DPYSL2: variants seen among roughly 807,000 people sequenced by gnomAD.
DPYSL2 encodes dihydropyrimidinase-related protein 2.
A neutral mutation model predicts 69.9 loss-of-function variants in DPYSL2; 13 were observed. The ratio of observed to expected loss-of-function variants is 0.19; its 90% CI spans 0.12 to 0.30. DPYSL2 has a LOEUF of 0.30. Ranked by LOEUF, DPYSL2 falls within the 10% of genes least tolerant of loss-of-function variation. The pLI, the probability that DPYSL2 is intolerant of heterozygous loss-of-function variation, is 1.00. For synonymous variants in DPYSL2, 326 were observed against 359.1 expected (o/e 0.91, Z 1.04); for missense variants, 587 against 918.9 (o/e 0.64, Z 4.67).
In DPYSL2 at chr8:26,591,918, AG is replaced by A. The variant is rs1156298394; in HGVS notation, c.628+7939del. Among the ~76,000 whole-genome samples, 1 of 152,154 alleles carries A rather than the reference AG, an allele frequency of 6.6e-6. No individual in the cohort carries two copies. The highest frequency in any genetic ancestry group is 2.4e-5 in the African/African-American group (1 of 41,440). On this transcript the variant is annotated intron_variant, in intron 3 of 13. Coordinates refer to ENST00000521913, the MANE Select transcript of DPYSL2 (RefSeq NM_001197293.3). This position sits in a 1 kb window ranked among gnomAD's most constrained non-coding sequence, Gnocchi z 5.8. ...TGGTGTAGCCTCCGTGTTGAGTTGT[AG>A]GGGAAAGGGTGTTTAGTAAGCAGGC...
rs888111108 is a variant in DPYSL2 at position 26,595,972 on chromosome 8, A to G, written c.628+11989A>G. On this transcript the variant is annotated intron_variant, in intron 3 of 13. Transcript: ENST00000521913. Reference sequence around the variant, plus strand: ...CAGCTGGGAGTTTGTTTTTTTTTTAATTACTGTTATTTATTTATTTAGTAC... The same window carrying G: ...CAGCTGGGAGTTTGTTTTTTTTTTAGTTACTGTTATTTATTTATTTAGTAC... Among the ~76,000 whole-genome samples, 4 of 151,892 alleles carry G rather than the reference A, an allele frequency of 2.6e-5. No individual in the cohort carries two copies. In the South Asian group the frequency reaches 6.2e-4, roughly 24 times the overall value.
intron 3 of DPYSL2, among the ~76,000 whole-genome samples, chr8:26,612,478 C>T (rs950432081): frequency 6.6e-6 from 1 of 152,202 alleles, no homozygotes; most frequent in African/African-American, 2.4e-5. Flanking sequence ...GGTAGATTCT[C>T]CGCAAGAATG....
intron 1 of DPYSL2, among the ~76,000 whole-genome samples, chr8:26,556,126 T>G (rs200877809): frequency 1.5e-4 from 2 of 13,344 alleles, no homozygotes; most frequent in Non-Finnish European, 2.2e-4. Flanking sequence ...ACTATATATA[T>G]TATATATACT....
chr8:26,634,612 GT>G (rs1802858604), intron 7 of DPYSL2, among the ~76,000 whole-genome samples, 167 bp from the exon 8 acceptor site: 1 of 152,050 alleles, frequency 6.6e-6, no homozygotes, highest in Non-Finnish European at 1.5e-5. Context: ...CCAAACCAAT[GT>G]TGAGAGACAC....
In DPYSL2 at chr8:26,626,907, C is replaced by T. The variant is rs1802631654; in HGVS notation, c.855+229C>T. ...GGATCTGAGGCTCTGCCCCGCACGG[C>T]GTGTGTGGGAGCGGCACTCAGAACC... On this transcript the variant is annotated intron_variant, in intron 5 of 13. Transcript: ENST00000521913. The surrounding 1 kb of genome is among the most constrained non-coding windows in gnomAD (Gnocchi z 4.3). Among the ~76,000 whole-genome samples the T allele has an allele frequency of 6.6e-6, 1 of 152,178 alleles. No homozygotes were observed. Among genetic ancestry groups the T allele is most frequent in the African/African-American group, 2.4e-5 (1 of 41,446 alleles).
intron 1 of DPYSL2, among the ~76,000 whole-genome samples, chr8:26,520,122 C>T (rs1449970741): frequency 3.9e-5 from 6 of 152,086 alleles, no homozygotes; most frequent in East Asian, 1.9e-4. Flanking sequence ...AAGGGTTTTC[C>T]CCTTTTGCTT....
At chr8:26,521,176 T>C (rs964180932) in intron 1 of DPYSL2, among the ~76,000 whole-genome samples, 4 of 152,356 alleles carry the variant, frequency 2.6e-5, no homozygotes, top group Admixed American at 2.6e-4. Context: ...GGTGGTAACC[T>C]AGTACCATAG....
chr8:26,569,083 G>A (rs543292155), intron 1 of DPYSL2, among the ~76,000 whole-genome samples: 9 of 152,244 alleles, frequency 5.9e-5, no homozygotes, highest in Non-Finnish European at 1.2e-4. Flanking sequence ...AAGTCTAGGC[G>A]TGAGGGCCCC....
intron 1 of DPYSL2, among the ~76,000 whole-genome samples, chr8:26,534,673 C>A (rs1203412252): frequency 1.3e-5 from 2 of 151,994 alleles, no homozygotes; most frequent in African/African-American, 2.4e-5. Context: ...CTCATTCTCA[C>A]CCAGGCTGGA....
Position 26,655,716 on chromosome 8 carries a change from G to A in DPYSL2, c.*10G>A. On this transcript the variant is annotated 3_prime_UTR_variant, in exon 14 of 14. Transcript: ENST00000521913. Reference sequence around the variant, plus strand: ...CACCAGCCTGGGCTAGAGCTCCTGGGCTGTGCCGTCCACTGGGGACTGGGG... The same window carrying A: ...CACCAGCCTGGGCTAGAGCTCCTGGACTGTGCCGTCCACTGGGGACTGGGG... The A allele has an allele frequency of 6.3e-7, 1 of 1,596,564 alleles. No individual in the cohort carries two copies. Among genetic ancestry groups the A allele is most frequent in the South Asian group, 1.1e-5 (1 of 90,158 alleles).
In DPYSL2 at chr8:26,656,419, G is replaced by C. The variant is rs112287513; in HGVS notation, c.*713G>C. ...CGTTATTGGCCTAGATTTTGCTGCAGATTAAATCCTTTGAGGATTCTCTTC... is the reference window on the plus strand; with the variant it reads ...CGTTATTGGCCTAGATTTTGCTGCACATTAAATCCTTTGAGGATTCTCTTC... On this transcript the variant is annotated 3_prime_UTR_variant, in exon 14 of 14. Coordinates refer to ENST00000521913, the MANE Select transcript of DPYSL2 (RefSeq NM_001197293.3). 4.6e-5 allele frequency: 7 copies of C among 152,568 alleles called. No individual in the cohort carries two copies. In the East Asian group the frequency reaches 1.2e-3, roughly 25 times the overall value. The allele number at this position is 152,568 out of a possible 1,614,324, so 9.5% of individuals were successfully genotyped here.
rs1801114909 is a variant in DPYSL2, at chr8:26,564,194, C to T, written c.355-17775C>T. On this transcript the variant is annotated intron_variant, in intron 1 of 13. Transcript: ENST00000521913. This position sits in a 1 kb window ranked among gnomAD's most constrained non-coding sequence, Gnocchi z 4.8. ...AGCTTCCAATTAGCATGCTGTTTGCCCAAGCTTTTCTAATGGAGTCAGGCG... is the reference window on the plus strand; with the variant it reads ...AGCTTCCAATTAGCATGCTGTTTGCTCAAGCTTTTCTAATGGAGTCAGGCG... 6.6e-6 allele frequency among the ~76,000 whole-genome samples: 1 copy of T among 152,100 alleles called. No individual in the cohort carries two copies. Among genetic ancestry groups the T allele is most frequent in the African/African-American group, 2.4e-5 (1 of 41,412 alleles).
Position 26,533,754 on chromosome 8 carries a change from A to G in DPYSL2, c.354+19075A>G, listed in dbSNP as rs996397060. On this transcript the variant is annotated intron_variant, in intron 1 of 13. Transcript: ENST00000521913. The surrounding 1 kb of genome is among the most constrained non-coding windows in gnomAD (Gnocchi z 4.8). ...AGCTGTCAAATGTTCTCAGGTGAAG[A>G]GGTTGAGAGGACTCCTGGAGATCCC... 3.3e-5 allele frequency among the ~76,000 whole-genome samples: 5 copies of G among 152,250 alleles called. No homozygotes were observed. Among genetic ancestry groups the G allele is most frequent in the Admixed American group, 6.5e-5 (1 of 15,274 alleles).
intron 1 of DPYSL2, among the ~76,000 whole-genome samples, chr8:26,569,802 G>T (rs11778187): frequency 0.082 from 12,482 of 152,190 alleles, 710 homozygotes; most frequent in Non-Finnish European, 0.12. Context: ...GATGGGAGAA[G>T]AGAGAACAGC....
rs367573911 is a variant in DPYSL2, at chr8:26,648,920, T to C, written c.1596+1120T>C. On this transcript the variant is annotated intron_variant, in intron 11 of 13. Coordinates refer to ENST00000521913, the MANE Select transcript of DPYSL2 (RefSeq NM_001197293.3). This position sits in a 1 kb window ranked among gnomAD's most constrained non-coding sequence, Gnocchi z 4.3. The stretch of plus-strand genomic sequence containing the variant: ...GTGTTTAAAGCTGTCTTTCTCCCTC[T>C]CCCACCACCACTCACTGGCTCAGCC... 1.8e-3 allele frequency among the ~76,000 whole-genome samples: 273 copies of C among 152,306 alleles called. No homozygotes were observed. The highest frequency in any genetic ancestry group is 6.5e-3 in the African/African-American group (269 of 41,554).
chr8:26,589,620 T>A (rs1445777489), intron 3 of DPYSL2, among the ~76,000 whole-genome samples: 2 of 152,232 alleles, frequency 1.3e-5, no homozygotes, highest in Non-Finnish European at 2.9e-5. Flanking sequence ...TGGCTCCCTC[T>A]GCAGCCCCAG....
At chr8:26,579,888 G>A (rs1407968263) in intron 1 of DPYSL2, among the ~76,000 whole-genome samples, 1 of 30,716 alleles carries the variant, frequency 3.3e-5, no homozygotes, top group African/African-American at 7.1e-5. Flanking sequence ...GACAGTGTGG[G>A]GAGAAAAAAA....
intron 1 of DPYSL2, among the ~76,000 whole-genome samples, chr8:26,566,528 CGGTG>C (rs1801151178): frequency 6.6e-6 from 1 of 152,014 alleles, no homozygotes; most frequent in South Asian, 2.1e-4. Context: ...GTTGACAAAG[CGGTG>C]GGGCTCATAG....
chr8:26,557,236 A>G (rs1801003301), intron 1 of DPYSL2, among the ~76,000 whole-genome samples: 1 of 152,232 alleles, frequency 6.6e-6, no homozygotes, highest in South Asian at 2.1e-4. Flanking sequence ...TGTGAAAGAC[A>G]CAGTCAAGAG....
Sources: allele counts gnomAD v4.1 joint callset (sites outside exome capture counted in the v4.1 genomes callset), GRCh38; gene constraint gnomAD v4.1.1; non-coding constraint Gnocchi (gnomAD v3.1); transcripts MANE v1.5; gene names NCBI Gene and HGNC (gene_info 2026-07-23, HGNC 2026-07-21).